The following ABTB3 variants were observed in gnomAD, a reference collection of about 807,000 sequenced individuals.
ABTB3 encodes ankyrin repeat- and BTB/POZ domain-containing protein 3.
chr12:107,512,792 CA>C, the ABTB3 span, among the ~76,000 whole-genome samples: 1 of 152,146 alleles, frequency 6.6e-6, no homozygotes, highest in Admixed American at 6.5e-5. Context: ...ATAATAATGG[CA>C]AATATTTTAT....
chr12:107,365,487 A>T, the ABTB3 span, among the ~76,000 whole-genome samples: 1 of 152,154 alleles, frequency 6.6e-6, no homozygotes, highest in Non-Finnish European at 1.5e-5. Context: ...TTTAATCCCA[A>T]TCCAGCTGTA....
the ABTB3 span, among the ~76,000 whole-genome samples, chr12:107,529,251 ATGG>A: frequency 6.8e-6 from 1 of 147,828 alleles, no homozygotes; most frequent in African/African-American, 2.5e-5. Flanking sequence ...GGAGATGATG[ATGG>A]TGGTCATGTT....
At chr12:107,623,896 G>A in the ABTB3 span, among the ~76,000 whole-genome samples, 9,846 of 152,228 alleles carry the variant, frequency 0.065, 435 homozygotes, top group Admixed American at 0.093. Context: ...TGGGGCTGAT[G>A]AGGTCTAACT....
At chr12:107,444,806 C>T in the ABTB3 span, among the ~76,000 whole-genome samples, 4 of 152,134 alleles carry the variant, frequency 2.6e-5, no homozygotes, top group African/African-American at 7.2e-5. Flanking sequence ...TTGTTTCTAA[C>T]GGGGCAGTTA....
the ABTB3 span, among the ~76,000 whole-genome samples, chr12:107,470,810 C>T: frequency 6.6e-6 from 1 of 152,186 alleles, no homozygotes; most frequent in African/African-American, 2.4e-5. Flanking sequence ...GGAGTGGAAT[C>T]CCACCCAGAA....
chr12:107,420,140 C>T, the ABTB3 span, among the ~76,000 whole-genome samples: 1 of 152,156 alleles, frequency 6.6e-6, no homozygotes, highest in African/African-American at 2.4e-5. Flanking sequence ...CTCGTTACTC[C>T]TCTGAAACTG....
the ABTB3 span, among the ~76,000 whole-genome samples, chr12:107,627,614 T>C: frequency 6.6e-6 from 1 of 152,138 alleles, no homozygotes; most frequent in Non-Finnish European, 1.5e-5. Context: ...TCATCCCCCT[T>C]AAGGGCAGAA....
the ABTB3 span, among the ~76,000 whole-genome samples, chr12:107,502,376 G>A: frequency 6.6e-6 from 1 of 151,738 alleles, no homozygotes; most frequent in Non-Finnish European, 1.5e-5. Flanking sequence ...AGCCAGCATT[G>A]GTACTTTTTA....
At chr12:107,486,604 T>C in the ABTB3 span, 13 of 152,148 alleles carry the variant, frequency 8.5e-5, no homozygotes, top group African/African-American at 2.7e-4. Context: ...TCAGACAATA[T>C]TGGGCATGTT....
At chr12:107,607,136 A>G in the ABTB3 span, among the ~76,000 whole-genome samples, 2,650 of 152,350 alleles carry the variant, frequency 0.017, 39 homozygotes, top group South Asian at 0.04. Context: ...GGCCTCTCCC[A>G]GATAAAAGTC....
chr12:107,468,481 C>A, the ABTB3 span, among the ~76,000 whole-genome samples: 2 of 152,124 alleles, frequency 1.3e-5, no homozygotes, highest in African/African-American at 4.8e-5. Context: ...TGGGAGCTGC[C>A]AGCTGGGCAC....
the ABTB3 span, among the ~76,000 whole-genome samples, chr12:107,407,121 C>T: frequency 1.1e-4 from 17 of 152,268 alleles, no homozygotes; most frequent in South Asian, 3.5e-3. Context: ...CAGTGCTTGC[C>T]CCTGTATGAC....
At chr12:107,378,306 T>C in the ABTB3 span, among the ~76,000 whole-genome samples, 2 of 149,682 alleles carry the variant, frequency 1.3e-5, no homozygotes, top group African/African-American at 4.9e-5. Flanking sequence ...CTCATCCCCT[T>C]ACTTTGCACA....
the ABTB3 span, among the ~76,000 whole-genome samples, chr12:107,520,011 G>A: frequency 5.9e-5 from 9 of 152,124 alleles, no homozygotes; most frequent in Admixed American, 4.6e-4. Context: ...TTGTCAAACA[G>A]GTAACAGCCC....
the ABTB3 span, among the ~76,000 whole-genome samples, chr12:107,442,574 G>T: frequency 6.6e-5 from 10 of 152,242 alleles, no homozygotes; most frequent in African/African-American, 2.4e-4. Flanking sequence ...AGGCTTGTGG[G>T]GCTCTTTCCT....
the ABTB3 span, among the ~76,000 whole-genome samples, chr12:107,366,791 G>A: frequency 1.1e-3 from 174 of 152,260 alleles, 2 homozygotes; most frequent in East Asian, 0.021. Flanking sequence ...GCATGAGAAG[G>A]AAAGTGACTC....
the ABTB3 span, chr12:107,657,834 G>A: frequency 2.0e-6 from 2 of 985,636 alleles, no homozygotes; most frequent in East Asian, 2.5e-5. Flanking sequence ...CCAAGGAGCT[G>A]CCTCTACTGC....
chr12:107,518,231 T>C, the ABTB3 span, among the ~76,000 whole-genome samples: 2 of 152,100 alleles, frequency 1.3e-5, no homozygotes, highest in Admixed American at 1.3e-4. Flanking sequence ...GAACTAGAAA[T>C]ACCATTTGAC....
At chr12:107,652,529 T>A in the ABTB3 span, among the ~76,000 whole-genome samples, 1 of 152,184 alleles carries the variant, frequency 6.6e-6, no homozygotes, top group African/African-American at 2.4e-5. Flanking sequence ...ACTGCTGAAG[T>A]CTTTGGAGTC....
Sources: allele counts gnomAD v4.1 joint callset (sites outside exome capture counted in the v4.1 genomes callset), GRCh38; gene constraint gnomAD v4.1.1; transcripts MANE v1.5; gene names NCBI Gene and HGNC (gene_info 2026-07-23, HGNC 2026-07-21).